Variants in NDUFS8 observed in about 807,000 individuals in gnomAD.
NDUFS8 encodes the protein NADH dehydrogenase [ubiquinone] iron-sulfur protein 8, mitochondrial.
In NDUFS8, 13 loss-of-function variants were observed where a neutral mutation model predicts 25.6. The ratio of observed to expected loss-of-function variants is 0.51; its 90% CI spans 0.33 to 0.81. The LOEUF (loss-of-function observed/expected upper bound fraction) is 0.81, where lower values mean the gene tolerates loss of function less well. NDUFS8 is among the 30% of genes least tolerant of loss of function. The pLI, the probability that NDUFS8 is intolerant of heterozygous loss-of-function variation, is 0.02. For missense variants in NDUFS8, 257 were observed against 300.9 expected, an observed-to-expected ratio of 0.85 and a Z score of 1.08; for synonymous variants, 119 against 119.4, an observed-to-expected ratio of 1.00 and a Z score of 0.02.
chr11:68,034,078 C>T lies in NDUFS8; in HGVS notation c.372+795C>T, dbSNP rs1854832828. The T allele has an allele frequency of 2.6e-5, 4 of 154,560 alleles. No homozygotes were observed. In the Middle Eastern group the frequency reaches 1.5e-3, roughly 59 times the overall value. 9.6% of individuals were successfully genotyped at this position (154,560 alleles called of 1,614,324 possible). On this transcript the variant is annotated intron_variant, in intron 5 of 6. Coordinates refer to ENST00000313468, the MANE Select transcript of NDUFS8 (RefSeq NM_002496.4). ...CTGTGCCATGTGTGTGACTCACAGC[C>T]TCTCCTGTAATCTCCACAACCCCTC...
Position 68,032,346 on chromosome 11 carries a change from T to C in NDUFS8, c.109+10T>C. 6.2e-7 allele frequency: 1 copy of C among 1,613,034 alleles called. No homozygotes were observed. The highest frequency in any genetic ancestry group is 8.5e-7 in the Non-Finnish European group (1 of 1,179,998). On this transcript the variant is annotated intron_variant, in intron 3 of 6. Coordinates refer to ENST00000313468, the MANE Select transcript of NDUFS8 (RefSeq NM_002496.4). ...GTGGCAGCCACCTACAGTGAGTACC[T>C]GGGTGGCCTCTAGCCTCAGGTGTTC... is the stretch of plus-strand genomic sequence containing the variant.
chr11:68,032,105 A>T (rs778158459), intron 1 of NDUFS8, 47 bp from the exon 2 acceptor site: 37 of 1,611,118 alleles, frequency 2.3e-5, no homozygotes, highest in Non-Finnish European at 3.1e-5. Context: ...TCAGAAGAGG[A>T]TGGTTCTTGG....
Sources: allele counts gnomAD v4.1 joint callset, GRCh38; gene constraint gnomAD v4.1.1; transcripts MANE v1.5; gene names NCBI Gene and HGNC (gene_info 2026-07-23, HGNC 2026-07-21).